The following PUS10 variants were observed in gnomAD, a reference collection of about 807,000 sequenced individuals.
PUS10 encodes tRNA pseudouridine synthase Pus10.
PUS10 carries 59 observed loss-of-function variants against 75.0 expected under a neutral mutation model. The ratio of observed to expected loss-of-function variants is 0.79; its 90% confidence interval spans 0.64 to 0.98. PUS10 has a LOEUF of 0.98. Ranked by LOEUF, PUS10 falls within the 50% of genes least tolerant of loss-of-function variation. The pLI is 0.00. For missense variants in PUS10, 650 were observed against 614.4 expected, an observed-to-expected ratio of 1.06 and a Z score of -0.61; for synonymous variants, 219 against 211.6, an observed-to-expected ratio of 1.03 and a Z score of -0.30.
chr2:60,958,747 A>G (rs1675831897), intron 11 of PUS10, among the ~76,000 whole-genome samples: 1 of 152,096 alleles, frequency 6.6e-6, no homozygotes, highest in African/African-American at 2.4e-5. Flanking sequence ...TTAGCCAGGC[A>G]TGGTGGCACA....
In PUS10 at chr2:61,018,245, G is replaced by C; in HGVS notation, c.-253C>G. The C allele has an allele frequency of 6.4e-7, 1 of 1,551,134 alleles. No homozygotes were observed. On this transcript the variant is annotated 5_prime_UTR_variant, in exon 1 of 18. Coordinates refer to ENST00000316752, the MANE Select transcript of PUS10 (RefSeq NM_144709.4). ...TGTCCAGCCACGGCATCGACAGGGA[G>C]CAAAGTCTCTCCTTAAAGGTGTTAA...
intron 11 of PUS10, among the ~76,000 whole-genome samples, chr2:60,959,412 G>A (rs1037615519): frequency 6.6e-6 from 1 of 151,984 alleles, no homozygotes; most frequent in Non-Finnish European, 1.5e-5. Context: ...ATTTTTTTAG[G>A]CAGAGTCTCA....
chr2:61,007,823 C>T (rs1679329592), intron 3 of PUS10, among the ~76,000 whole-genome samples: 2 of 150,744 alleles, frequency 1.3e-5, no homozygotes, highest in South Asian at 4.2e-4. Flanking sequence ...CGGTGGCTCA[C>T]GCCTGTAATC....
chr2:60,962,720 G>A, intron 9 of PUS10, 106 bp downstream of exon 9: 1 of 1,461,378 alleles, frequency 6.8e-7, no homozygotes, highest in South Asian at 1.4e-5. Flanking sequence ...CACAATCCTG[G>A]CCCCTGAAAT....
Position 60,942,399 on chromosome 2 carries a change from T to G in PUS10, c.1586A>C (p.Asp529Ala), listed in dbSNP as rs750826637. The G allele has an allele frequency of 2.4e-5, 38 of 1,613,316 alleles. No individual in the cohort carries two copies. The highest frequency in any genetic ancestry group is 3.2e-5 in the Non-Finnish European group (38 of 1,179,362). The change falls in exon 18 of 18, where the codon GAC becomes GCC. Residue 529 changes from aspartate to alanine, a missense_variant. Transcript: ENST00000316752. Reference protein sequence around the residue: ...VDVDWPPALDD With the variant: ...VDVDWPPALDA ...CTTTGTCTCCAAATTTGAAAGCTAG[T>G]CATCCAGAGCAGGTGGCCAGTCAAC...
chr2:60,955,893 C>G (rs966848256), intron 11 of PUS10, among the ~76,000 whole-genome samples: 5 of 151,450 alleles, frequency 3.3e-5, no homozygotes, highest in African/African-American at 1.2e-4. Context: ...TAGAACAAAG[C>G]AAAAACAGTC....
chr2:60,945,369 A>G (rs1674880962), intron 16 of PUS10, among the ~76,000 whole-genome samples: 1 of 152,220 alleles, frequency 6.6e-6, no homozygotes, highest in African/African-American at 2.4e-5. Context: ...CTCATCTCCA[A>G]GTGCCAAGGT....
At chr2:60,971,592 A>AG (rs745961313) in intron 4 of PUS10, 35 bp from the exon 5 acceptor site, 2 of 1,599,624 alleles carry the variant, frequency 1.3e-6, no homozygotes, top group Admixed American at 1.7e-5. Flanking sequence ...GAAAGAGAAA[A>AG]GGGGGAAACA....
At position 60,961,784 on chromosome 2, in the gene PUS10, G is replaced by A. The variant is rs77020632; in HGVS notation, c.789-236C>T. Among the ~76,000 whole-genome samples, 9 of 152,142 alleles carry A rather than the reference G, an allele frequency of 5.9e-5. No individual in the cohort carries two copies. In the East Asian group the frequency reaches 1.2e-3, roughly 20 times the overall value. The stretch of plus-strand genomic sequence containing the variant: ...TCACCTTCGGGAGGACTTATCTTCC[G>A]AGGCAAAAACTGCAATTACTTTTGC... On this transcript the variant is annotated intron_variant, in intron 9 of 17. Transcript: ENST00000316752.
At chr2:60,957,801 A>T (rs1235277147) in intron 11 of PUS10, among the ~76,000 whole-genome samples, 1 of 152,186 alleles carries the variant, frequency 6.6e-6, no homozygotes, top group African/African-American at 2.4e-5. Flanking sequence ...CAGGGGGTGG[A>T]GTATAAGGGA....
At chr2:60,944,837 T>C (rs2104092709) in intron 17 of PUS10, among the ~76,000 whole-genome samples, 172 bp downstream of exon 17, 1 of 148,292 alleles carries the variant, frequency 6.7e-6, no homozygotes, top group African/African-American at 2.5e-5. Flanking sequence ...GACCTCATAT[T>C]AAAAAAAAAA....
At chr2:60,962,739 T>C in intron 9 of PUS10, 87 bp downstream of exon 9, 1 of 1,489,278 alleles carries the variant, frequency 6.7e-7, no homozygotes, top group Non-Finnish European at 8.9e-7. Context: ...ATACATCATC[T>C]TGTTTCAGAG....
chr2:60,962,006 T>C (rs995221121), intron 9 of PUS10, among the ~76,000 whole-genome samples: 2 of 152,242 alleles, frequency 1.3e-5, no homozygotes, highest in African/African-American at 4.8e-5. Flanking sequence ...CAGTAATATT[T>C]TATTTAATAA....
At chr2:60,986,186 C>T (rs1677714848) in intron 4 of PUS10, among the ~76,000 whole-genome samples, 1 of 152,006 alleles carries the variant, frequency 6.6e-6, no homozygotes, top group African/African-American at 2.4e-5. Context: ...TTTTTAAAGA[C>T]CATATAATTA....
At chr2:60,953,774 T>C (rs1221686093) in intron 14 of PUS10, among the ~76,000 whole-genome samples, 159 bp downstream of exon 14, 1 of 152,264 alleles carries the variant, frequency 6.6e-6, no homozygotes, top group Non-Finnish European at 1.5e-5. Flanking sequence ...TGGCTATTCC[T>C]ATATCCTCCT....
At chr2:60,948,789 T>G (rs1172848104) in intron 15 of PUS10, among the ~76,000 whole-genome samples, 1 of 152,188 alleles carries the variant, frequency 6.6e-6, no homozygotes, top group East Asian at 1.9e-4. Context: ...GACACAGGCT[T>G]GTTTTTCTCA....
intron 4 of PUS10, among the ~76,000 whole-genome samples, chr2:60,975,405 A>G (rs1362349644): frequency 6.6e-6 from 1 of 152,118 alleles, no homozygotes; most frequent in African/African-American, 2.4e-5. Flanking sequence ...TTGGCCTCCC[A>G]AAGTGCTACG....
intron 4 of PUS10, among the ~76,000 whole-genome samples, chr2:60,987,284 C>T (rs954380368): frequency 2.0e-5 from 3 of 152,160 alleles, no homozygotes; most frequent in East Asian, 3.9e-4. Context: ...CAATAAGACA[C>T]GGGAAAGGAG....
chr2:60,999,814 TA>T (rs1212371581), intron 4 of PUS10, among the ~76,000 whole-genome samples: 1 of 152,102 alleles, frequency 6.6e-6, no homozygotes, highest in East Asian at 1.9e-4. Context: ...AGAAAACATT[TA>T]GGGGGGAAAA....
Sources: allele counts gnomAD v4.1 joint callset (sites outside exome capture counted in the v4.1 genomes callset), GRCh38; gene constraint gnomAD v4.1.1; transcripts MANE v1.5; gene names NCBI Gene and HGNC (gene_info 2026-07-23, HGNC 2026-07-21).